Variants in LYST observed in about 807,000 individuals in gnomAD.
LYST encodes the protein lysosomal trafficking regulator, also known as lysosomal-trafficking regulator.
Under a neutral mutation model 413.6 loss-of-function variants are expected in LYST, and 192 were observed. That is an observed-to-expected ratio of 0.46 (90% CI 0.41 to 0.52). The LOEUF is 0.52. Ranked by LOEUF, LYST falls within the 20% of genes least tolerant of loss-of-function variation. LYST has a pLI of 0.00. For missense variants in LYST, 3,815 were observed against 4,499.9 expected, an observed-to-expected ratio of 0.85 and a Z score of 4.35; for synonymous variants, 1,525 against 1,567.3, an observed-to-expected ratio of 0.97 and a Z score of 0.64.
At position 235,809,805 on chromosome 1, in the gene LYST, T is replaced by C. The variant is rs1033465227; in HGVS notation, c.1013A>G (p.Asp338Gly). The C allele has an allele frequency of 1.2e-5, 19 of 1,614,016 alleles. No individual in the cohort carries two copies. Among genetic ancestry groups the C allele is most frequent in the Non-Finnish European group, 1.5e-5 (18 of 1,179,978 alleles). ...FRTVLHLLSV[D>G]VSTAEMMPEN... ...TGGCATCATCTCTGCAGTACTAACA[T>C]CTACTGACAGAAGATGCAACACTGT... Residue 338 changes from aspartate to glycine, a missense_variant, in exon 5 of 53, where the codon GAT becomes GGT. By Grantham distance (94) the Asp-to-Gly change is moderately conservative. This residue lies in a region of LYST where 1,648 missense variants were observed against 1,810.3 expected (regional missense o/e 0.91). Transcript: ENST00000389793. The surrounding 1 kb of genome is among the most constrained non-coding windows in gnomAD (Gnocchi z 4.0).
At chr1:235,734,280 T>C (rs184364067) in intron 32 of LYST, among the ~76,000 whole-genome samples, 182 of 152,240 alleles carry the variant, frequency 1.2e-3, no homozygotes, top group Admixed American at 2.3e-3. Flanking sequence ...TGGATACTGA[T>C]GACCACAGAG....
At chr1:235,794,249 G>A (rs1285885947) in intron 10 of LYST, among the ~76,000 whole-genome samples, 1 of 152,150 alleles carries the variant, frequency 6.6e-6, no homozygotes, top group Non-Finnish European at 1.5e-5. Context: ...TCATAAAATA[G>A]TCTGCTATCT....
chr1:235,875,262 CTCCCACTGTAGCTGCATAGA>C (rs1228346320), intron 1 of LYST, among the ~76,000 whole-genome samples: 1 of 152,148 alleles, frequency 6.6e-6, no homozygotes, highest in African/African-American at 2.4e-5. Flanking sequence ...TTTACTTCTG[CTCCCACTGTAGCTGCATAGA>C]TCACTATTCC....
intron 1 of LYST, among the ~76,000 whole-genome samples, chr1:235,836,162 C>T (rs984225684): frequency 1.3e-5 from 2 of 152,166 alleles, no homozygotes; most frequent in Non-Finnish European, 2.9e-5. Flanking sequence ...TACACAAACA[C>T]TGATTTAATG....
chr1:235,757,336 G>A lies in LYST; in HGVS notation c.7004C>T (p.Thr2335Ile). 1 of 1,613,576 alleles carries A rather than the reference G, an allele frequency of 6.2e-7. No homozygotes were observed. Among genetic ancestry groups the A allele is most frequent in the Non-Finnish European group, 8.5e-7 (1 of 1,179,768 alleles). Reference sequence around the variant, plus strand: ...TGGGTGGTTAACGAGGACCAAAAGTGTATCTGCTTGAATAAGCTTGTCCAT... The same window carrying A: ...TGGGTGGTTAACGAGGACCAAAAGTATATCTGCTTGAATAAGCTTGTCCAT... The part of the protein sequence containing the change: ...DVMDKLIQAD[T>I]LLVLVNHPSP... The change falls in exon 24 of 53, where the codon ACA becomes ATA. Residue 2335 changes from threonine (T) to isoleucine (I), a missense_variant. By Grantham distance (89) the Thr-to-Ile change is moderately conservative (BLOSUM62 -1). This residue lies in a region of LYST where 771 missense variants were observed against 837.1 expected (regional missense o/e 0.92). Transcript: ENST00000389793.
Position 235,741,424 on chromosome 1 carries a change from G to C in LYST, c.8356C>G (p.Gln2786Glu), listed in dbSNP as rs540779294. 1 of 1,611,318 alleles carries C rather than the reference G, an allele frequency of 6.2e-7. No individual in the cohort carries two copies. The highest frequency in any genetic ancestry group is 8.5e-7 in the Non-Finnish European group (1 of 1,177,518). Residue 2786 changes from glutamine (Q) to glutamate (E), a missense_variant and splice_region_variant, in exon 31 of 53, where the codon CAA becomes GAA. Physicochemically the swap from Gln to Glu is conservative, Grantham distance 29. Coordinates refer to ENST00000389793, the MANE Select transcript of LYST (RefSeq NM_000081.4). ...ILRDCLSPSL[Q>E]HGAKLVLYLS... Reference sequence around the variant, plus strand: ...CTTATCAAAGCTGAGATACTTACTTGTAGGGATGGGCTGAGACAGTCTCGT... The same window carrying C: ...CTTATCAAAGCTGAGATACTTACTTCTAGGGATGGGCTGAGACAGTCTCGT...
intron 1 of LYST, among the ~76,000 whole-genome samples, chr1:235,836,006 T>C (rs1676533203): frequency 6.6e-6 from 1 of 152,232 alleles, no homozygotes; most frequent in East Asian, 1.9e-4. Context: ...AATTTTTATA[T>C]CCTTAGCATT....
At chr1:235,665,182 A>G (rs541573469) in intron 50 of LYST, among the ~76,000 whole-genome samples, 2 of 152,354 alleles carry the variant, frequency 1.3e-5, no homozygotes, top group African/African-American at 4.8e-5. Context: ...GTACAGTAAC[A>G]AGGTAAAATA....
At chr1:235,715,086 C>T (rs972342698) in intron 42 of LYST, 115 bp downstream of exon 42, 1 of 965,664 alleles carries the variant, frequency 1.0e-6, no homozygotes, top group South Asian at 1.4e-5. Context: ...AATTCTTTTT[C>T]CTGTAGTTTG....
chr1:235,736,477 C>G (rs1664828513), intron 31 of LYST: 1 of 151,968 alleles, frequency 6.6e-6, no homozygotes, highest in Non-Finnish European at 1.5e-5. Context: ...AATAAAACAG[C>G]ATGACTGTAA....
chr1:235,843,366 G>A (rs1677436196), intron 1 of LYST, among the ~76,000 whole-genome samples: 1 of 152,188 alleles, frequency 6.6e-6, no homozygotes, highest in Non-Finnish European at 1.5e-5. Flanking sequence ...CATCATGACA[G>A]TAGTGAAATA....
In LYST at chr1:235,788,694, T is replaced by G; in HGVS notation, c.4688+7A>C. 6.2e-7 allele frequency: 1 copy of G among 1,613,084 alleles called. No homozygotes were observed. The highest frequency in any genetic ancestry group is 8.5e-7 in the Non-Finnish European group (1 of 1,179,190). On this transcript the variant is annotated splice_region_variant and intron_variant, in intron 13 of 52. Coordinates refer to ENST00000389793, the MANE Select transcript of LYST (RefSeq NM_000081.4). ...TCTATTCATGGGAGGCTGAGGATAA[T>G]CAATACCGAAAGATAAGAGTGGCAT... is the stretch of plus-strand genomic sequence containing the variant.
At chr1:235,677,235 T>G (rs1303031577) in intron 49 of LYST, 47 bp from the exon 50 acceptor site, 4 of 1,372,276 alleles carry the variant, frequency 2.9e-6, no homozygotes, top group Non-Finnish European at 4.2e-6. Flanking sequence ...TAAATATAAT[T>G]ACATTCTCTT....
Position 235,804,556 on chromosome 1 carries a change from G to A in LYST, c.3503C>T (p.Ala1168Val). 6.2e-7 allele frequency: 1 copy of A among 1,613,234 alleles called. No homozygotes were observed. Residue 1168 changes from alanine to valine, a missense_variant, in exon 7 of 53, where the codon GCC becomes GTC. By Grantham distance (64) the Ala-to-Val change is moderately conservative (BLOSUM62 0). This residue lies in a region of LYST where 1,648 missense variants were observed against 1,810.3 expected (regional missense o/e 0.91). Coordinates refer to ENST00000389793, the MANE Select transcript of LYST (RefSeq NM_000081.4). ...AAAATCTGCTGAATAATTCCCGAGG[G>A]CAACTCGAAGCAGGGCATCAAATAA... ...KPLFDALLRV[A>V]LGNYSADFEH...
chr1:235,849,764 T>TA (rs1334032469), intron 1 of LYST, among the ~76,000 whole-genome samples: 1 of 95,638 alleles, frequency 1.0e-5, no homozygotes, highest in African/African-American at 3.8e-5. Flanking sequence ...CAACCCCTTT[T>TA]ACAATAGCTC....
rs528443594 is a variant in LYST, at chr1:235,719,875, T to A, written c.9560+786A>T. On this transcript the variant is annotated intron_variant, in intron 40 of 52. Coordinates refer to ENST00000389793, the MANE Select transcript of LYST (RefSeq NM_000081.4). ...GTCAGGAGAAAATAAAGAGAAAAAA[T>A]ACACATAAAAAATAATGGCTGGCTG... is the stretch of plus-strand genomic sequence containing the variant. Among the ~76,000 whole-genome samples, 38 of 151,804 alleles carry A rather than the reference T, an allele frequency of 2.5e-4. 1 individual carries two copies. In the South Asian group the frequency reaches 7.5e-3, roughly 30 times the overall value.
At position 235,824,310 on chromosome 1, in the gene LYST, T is replaced by C. The variant is rs78819064; in HGVS notation, c.192+5916A>G. Among the ~76,000 whole-genome samples the C allele has an allele frequency of 8.4e-3, 1,283 of 152,352 alleles. 7 individuals carry two copies. Among genetic ancestry groups the C allele is most frequent in the African/African-American group, 0.029 (1,217 of 41,574 alleles). On this transcript the variant is annotated intron_variant, in intron 3 of 52. Coordinates refer to ENST00000389793, the MANE Select transcript of LYST (RefSeq NM_000081.4). ...TATGTATCACTGAAATTTTAAAAAGTAGTATTTATAACACATGTTCATGTA... is the reference window on the plus strand; with the variant it reads ...TATGTATCACTGAAATTTTAAAAAGCAGTATTTATAACACATGTTCATGTA...
chr1:235,672,405 G>C (rs886925237), intron 50 of LYST, among the ~76,000 whole-genome samples: 2 of 152,054 alleles, frequency 1.3e-5, no homozygotes, highest in East Asian at 3.9e-4. Flanking sequence ...GACTGAGAAG[G>C]ACCCACCAGT....
chr1:235,854,467 G>GGGTTTCTCTACCC lies in LYST; in HGVS notation c.-98+12375_-98+12376insGGGTAGAGAAACC, dbSNP rs971610567. On this transcript the variant is annotated intron_variant, in intron 1 of 52. Coordinates refer to ENST00000389793, the MANE Select transcript of LYST (RefSeq NM_000081.4). The surrounding 1 kb of genome is among the most constrained non-coding windows in gnomAD (Gnocchi z 4.1). ...TTTCAGTAAATGGCCTCTACCCAGT[G>GGGTTTCTCTACCC]ACTGAGGTGAGAAACCAGAATAGCA... Among the ~76,000 whole-genome samples the GGGTTTCTCTACCC allele has an allele frequency of 5.3e-5, 8 of 152,126 alleles. No homozygotes were observed. Among genetic ancestry groups the GGGTTTCTCTACCC allele is most frequent in the African/African-American group, 1.9e-4 (8 of 41,418 alleles).
Sources: allele counts gnomAD v4.1 joint callset (sites outside exome capture counted in the v4.1 genomes callset), GRCh38; gene constraint gnomAD v4.1.1; regional missense constraint gnomAD v4.1.1; non-coding constraint Gnocchi (gnomAD v3.1); transcripts MANE v1.5; gene names NCBI Gene and HGNC (gene_info 2026-07-23, HGNC 2026-07-21).